The following KAZN variants were observed in gnomAD, a reference collection of about 807,000 sequenced individuals.
KAZN encodes the protein kazrin, periplakin interacting protein, also known as kazrin.
KAZN carries 40 observed loss-of-function variants against 87.4 expected under a neutral mutation model. That is an observed-to-expected ratio of 0.46 (90% CI 0.36 to 0.60). The LOEUF is 0.60. Ranked by LOEUF, KAZN falls within the 20% of genes least tolerant of loss-of-function variation. The probability of loss-of-function intolerance (pLI) is 0.00; values close to 1 mark genes in which losing one functional copy is unlikely to be tolerated. For missense variants in KAZN, 898 were observed against 1,073.9 expected (o/e 0.84, Z 2.29); for synonymous variants, 466 against 458.3 (o/e 1.02, Z -0.22).
chr1:14,720,396 G>A (rs551187098), intron 1 of KAZN, among the ~76,000 whole-genome samples: 59 of 152,202 alleles, frequency 3.9e-4, no homozygotes, highest in Middle Eastern at 3.4e-3. Context: ...AAATGCCACC[G>A]TGAGTCTGAT....
intron 1 of KAZN, among the ~76,000 whole-genome samples, chr1:14,936,004 C>A (rs932931160): frequency 7.9e-5 from 12 of 152,236 alleles, no homozygotes; most frequent in African/African-American, 2.7e-4. Flanking sequence ...GCCTCCAAGC[C>A]CCCCTGCCCT....
intron 1 of KAZN, among the ~76,000 whole-genome samples, chr1:13,934,782 C>T (rs1217580655): frequency 6.8e-6 from 1 of 146,776 alleles, no homozygotes; most frequent in Non-Finnish European, 1.5e-5. Flanking sequence ...ACTCTATTTA[C>T]TTGGGTTGTT....
At chr1:15,063,429 G>A (rs962293294) in intron 6 of KAZN, 143 bp from the exon 7 acceptor site, 4 of 704,338 alleles carry the variant, frequency 5.7e-6, no homozygotes, top group Middle Eastern at 5.0e-4. Flanking sequence ...AGGAGATGGG[G>A]GGTGGGCTCC....
intron 2 of KAZN, among the ~76,000 whole-genome samples, chr1:14,398,481 C>T (rs1418352706): frequency 6.6e-6 from 1 of 152,194 alleles, no homozygotes; most frequent in Non-Finnish European, 1.5e-5. Flanking sequence ...ACACAGCAAG[C>T]ACTGTAGAAG....
intron 2 of KAZN, among the ~76,000 whole-genome samples, chr1:14,571,694 C>A (rs1382147067): frequency 6.6e-6 from 1 of 152,162 alleles, no homozygotes. Context: ...GAATCAGGAA[C>A]AGTATGGACT....
chr1:14,902,712 G>A (rs1307932125), intron 1 of KAZN, among the ~76,000 whole-genome samples: 1 of 152,174 alleles, frequency 6.6e-6, no homozygotes, highest in Non-Finnish European at 1.5e-5. Flanking sequence ...GGAGCTGCCA[G>A]GGCTGCCCAC....
intron 1 of KAZN, among the ~76,000 whole-genome samples, chr1:14,165,482 G>A (rs534921522): frequency 1.3e-5 from 2 of 152,258 alleles, no homozygotes; most frequent in South Asian, 4.1e-4. Flanking sequence ...CCAGGTCTCT[G>A]AGAATTTCTA....
intron 1 of KAZN, among the ~76,000 whole-genome samples, chr1:13,949,492 C>T (rs1309253102): frequency 1.3e-5 from 2 of 151,776 alleles, no homozygotes; most frequent in Admixed American, 1.3e-4. Context: ...TATTTAATAA[C>T]CTCTGCATGA....
At chr1:14,982,878 C>T (rs1167905735) in intron 2 of KAZN, among the ~76,000 whole-genome samples, 7 of 152,144 alleles carry the variant, frequency 4.6e-5, no homozygotes, top group Non-Finnish European at 8.8e-5. Flanking sequence ...CCATGCGAAG[C>T]GCAGGTGCTG....
chr1:14,875,489 A>AG (rs1336617023), intron 1 of KAZN, among the ~76,000 whole-genome samples: 1 of 150,378 alleles, frequency 6.6e-6, no homozygotes, highest in Non-Finnish European at 1.5e-5. Flanking sequence ...TATTAAAAAA[A>AG]AAAAAAAAGA....
intron 1 of KAZN, among the ~76,000 whole-genome samples, chr1:14,937,308 A>G (rs1173332518): frequency 1.3e-5 from 2 of 152,144 alleles, no homozygotes; most frequent in Non-Finnish European, 2.9e-5. Context: ...TAGAGCACCT[A>G]CTTGGGGCCA....
chr1:14,527,568 A>T lies in KAZN; in HGVS notation c.250-71415A>T, dbSNP rs575865349. Reference sequence around the variant, plus strand: ...TGTCTCCAAAAAAAAAAAAAAAACGATACAGGTTTATCTGGCTCATGGTTC... The same window carrying T: ...TGTCTCCAAAAAAAAAAAAAAAACGTTACAGGTTTATCTGGCTCATGGTTC... On this transcript the variant is annotated intron_variant, in intron 2 of 16. Transcript: ENST00000636203. 2.0e-5 allele frequency among the ~76,000 whole-genome samples: 3 copies of T among 147,444 alleles called. No individual in the cohort carries two copies. In the South Asian group the frequency reaches 6.5e-4, roughly 32 times the overall value.
In KAZN at chr1:14,935,932, G is replaced by A. The variant is rs149061656; in HGVS notation, c.227-24752G>A. 3.3e-3 allele frequency among the ~76,000 whole-genome samples: 498 copies of A among 152,294 alleles called. 6 individuals carry two copies. Among genetic ancestry groups the A allele is most frequent in the African/African-American group, 0.011 (439 of 41,564 alleles). On this transcript the variant is annotated intron_variant, in intron 1 of 14. Coordinates refer to ENST00000376030, the MANE Select transcript of KAZN (RefSeq NM_201628.3). ...TCTCCCAACATCCCAGGTGGTGGCC[G>A]CCTGCTCCCCAGTGCCAGAATTTTA...
intron 13 of KAZN, among the ~76,000 whole-genome samples, chr1:15,109,708 C>T (rs77074034): frequency 1.4e-5 from 2 of 147,818 alleles, no homozygotes; most frequent in Non-Finnish European, 3.0e-5. Context: ...TGTGTATGAG[C>T]GTGTTTGTGT....
chr1:15,056,355 G>A lies in KAZN; in HGVS notation c.916+75G>A. On this transcript the variant is annotated intron_variant, in intron 5 of 14. Coordinates refer to ENST00000376030, the MANE Select transcript of KAZN (RefSeq NM_201628.3). The surrounding 1 kb of genome is among the most constrained non-coding windows in gnomAD (Gnocchi z 5.4). ...GGAGGCCATCTGACCCAGTGGGAGA[G>A]GCAGCTGCTTTGTTCGTACTACAGC... The A allele has an allele frequency of 6.9e-7, 1 of 1,442,826 alleles. No individual in the cohort carries two copies. 89.4% of individuals were successfully genotyped at this position (1,442,826 alleles called of 1,614,324 possible). A position where few individuals can be genotyped will look rare whatever the true frequency, so the allele number is the denominator to read the frequency against.
chr1:14,458,787 G>A (rs1011089716), intron 2 of KAZN, among the ~76,000 whole-genome samples: 2 of 152,176 alleles, frequency 1.3e-5, no homozygotes, highest in African/African-American at 4.8e-5. Context: ...TGCCCATGAT[G>A]GGATATTTTA....
intron 2 of KAZN, among the ~76,000 whole-genome samples, chr1:14,474,128 C>G (rs1347628760): frequency 6.6e-6 from 1 of 152,080 alleles, no homozygotes; most frequent in East Asian, 1.9e-4. Context: ...GATAAGAGAA[C>G]CTCCTAGAAG....
At chr1:13,927,527 A>G (rs1008506480) in intron 1 of KAZN, among the ~76,000 whole-genome samples, 3 of 152,190 alleles carry the variant, frequency 2.0e-5, no homozygotes, top group East Asian at 1.9e-4. Flanking sequence ...AGGCAGACCT[A>G]TGTCCAAATC....
intron 2 of KAZN, among the ~76,000 whole-genome samples, chr1:14,329,108 T>TTG (rs1656664004): frequency 6.6e-6 from 1 of 152,304 alleles, no homozygotes; most frequent in South Asian, 2.1e-4. Context: ...TGGAACAATG[T>TTG]TGTCAGAAAT....
Sources: allele counts gnomAD v4.1 joint callset (sites outside exome capture counted in the v4.1 genomes callset), GRCh38; gene constraint gnomAD v4.1.1; non-coding constraint Gnocchi (gnomAD v3.1); transcripts MANE v1.5; gene names NCBI Gene and HGNC (gene_info 2026-07-23, HGNC 2026-07-21).